Variants in SGIP1 observed in about 807,000 individuals in gnomAD.
SGIP1 encodes the protein SH3-containing GRB2-like protein 3-interacting protein 1.
SGIP1 carries 38 observed loss-of-function variants against 107.5 expected under a neutral mutation model. The ratio of observed to expected loss-of-function variants is 0.35; its 90% CI spans 0.27 to 0.46. The LOEUF is 0.46. Among genes scored for constraint, SGIP1 ranks in the 20% least tolerant of loss-of-function variants. The probability of loss-of-function intolerance (pLI) is 1.00; values close to 1 mark genes in which losing one functional copy is unlikely to be tolerated. For missense variants in SGIP1, 929 were observed against 1,019.5 expected, an observed-to-expected ratio of 0.91 and a Z score of 1.21; for synonymous variants, 365 against 366.1, an observed-to-expected ratio of 1.00 and a Z score of 0.03.
chr1:66,565,288 CT>C (rs1384639815), intron 1 of SGIP1, among the ~76,000 whole-genome samples: 18 of 151,978 alleles, frequency 1.2e-4, no homozygotes, highest in Admixed American at 4.6e-4. Flanking sequence ...TAATTTATCC[CT>C]TTTCTTTCAT....
At chr1:66,533,477 C>T (rs1442690146), upstream of SGIP1, 1 of 152,228 alleles carries the variant, frequency 6.6e-6, no homozygotes, top group Non-Finnish European at 1.5e-5. Flanking sequence ...CAATTAATTC[C>T]CTGGCTCTCA....
chr1:66,589,225 T>TGTGTGTGTGTGTG (rs2063214378), intron 1 of SGIP1, among the ~76,000 whole-genome samples: 1 of 110,060 alleles, frequency 9.1e-6, no homozygotes, highest in African/African-American at 3.3e-5. Context: ...TATGTAAGGC[T>TGTGTGTGTGTGTG]TGGGGTAAAG....
At chr1:66,659,440 T>C (rs978398748) in intron 7 of SGIP1, among the ~76,000 whole-genome samples, 2 of 152,192 alleles carry the variant, frequency 1.3e-5, no homozygotes, top group Non-Finnish European at 2.9e-5. Context: ...ACTTGGGAGA[T>C]GATAGGTTCT....
chr1:66,589,703 T>C (rs1314362013), intron 1 of SGIP1, among the ~76,000 whole-genome samples: 1 of 152,186 alleles, frequency 6.6e-6, no homozygotes. Flanking sequence ...AGCATATTCC[T>C]AAGATATTTT....
chr1:66,534,049 C>A (rs193237755), upstream of SGIP1: 357 of 473,452 alleles, frequency 7.5e-4, no homozygotes, highest in African/African-American at 6.2e-3. Flanking sequence ...TCAGGAGATG[C>A]AGGCTGGCTA....
intron 5 of SGIP1, among the ~76,000 whole-genome samples, chr1:66,640,853 G>A (rs563844137): frequency 2.7e-5 from 4 of 150,270 alleles, no homozygotes; most frequent in Admixed American, 2.7e-4. Context: ...TCAAAAAAAT[G>A]GTGAGTTTCA....
Position 66,690,322 on chromosome 1 carries a change from A to G in SGIP1, c.1570+6A>G, listed in dbSNP as rs774231659. 1 of 1,613,906 alleles carries G rather than the reference A, an allele frequency of 6.2e-7. No homozygotes were observed. Among genetic ancestry groups the G allele is most frequent in the Non-Finnish European group, 8.5e-7 (1 of 1,179,976 alleles). On this transcript the variant is annotated splice_donor_region_variant and intron_variant, in intron 17 of 24. Transcript: ENST00000371037. ...AGCCACCACTCCCACAGTTGGTAAA[A>G]ATTCTCTCCTCTCTTTTAATCCGTT... is the stretch of plus-strand genomic sequence containing the variant.
intron 9 of SGIP1, among the ~76,000 whole-genome samples, chr1:66,668,477 T>G (rs2083076556): frequency 6.6e-6 from 1 of 152,114 alleles, no homozygotes; most frequent in Non-Finnish European, 1.5e-5. Context: ...GCTGAGCCAC[T>G]GCGCCCAGCT....
chr1:66,578,053 T>G (rs1252971703), intron 1 of SGIP1, among the ~76,000 whole-genome samples: 1 of 152,186 alleles, frequency 6.6e-6, no homozygotes, highest in Non-Finnish European at 1.5e-5. Flanking sequence ...AAAATTTACC[T>G]CTTGCAGAGA....
At chr1:66,570,327 T>C (rs2060215531) in intron 1 of SGIP1, among the ~76,000 whole-genome samples, 1 of 151,880 alleles carries the variant, frequency 6.6e-6, no homozygotes, top group African/African-American at 2.4e-5. Context: ...GAAAACAAAG[T>C]TGATTCCTCC....
Position 66,635,972 on chromosome 1 carries a change from A to G in SGIP1, c.128A>G (p.Asn43Ser), listed in dbSNP as rs769143155. The G allele has an allele frequency of 1.9e-6, 3 of 1,613,956 alleles. No individual in the cohort carries two copies. The South Asian group carries it at 3.3e-5, about 18-fold the overall frequency. ...CCCAGCCCACACGAACCACCCTACA[A>G]TAGCAAAGCAGAGTGTGCGCGTGAA... ...IQPSPHEPPY[N>S]SKAECAREGG... is the part of the protein sequence containing the mutation. The change falls in exon 4 of 25, where the codon AAT (asparagine) becomes AGT (serine). Residue 43 changes from asparagine to serine, a missense_variant. Around this residue, in one of 2 missense-constraint regions of SGIP1, gnomAD observed 588 missense variants for 588.6 expected, o/e 1.00. Coordinates refer to ENST00000371037, the MANE Select transcript of SGIP1 (RefSeq NM_032291.4).
At chr1:66,551,502 C>T (rs1453829351) in intron 1 of SGIP1, among the ~76,000 whole-genome samples, 1 of 152,040 alleles carries the variant, frequency 6.6e-6, no homozygotes, top group Non-Finnish European at 1.5e-5. Flanking sequence ...TTGTAGTTCC[C>T]AACTTTATAT....
At chr1:66,671,066 G>C in intron 10 of SGIP1, 47 bp downstream of exon 10, 1 of 1,019,682 alleles carries the variant, frequency 9.8e-7, no homozygotes, top group Admixed American at 2.2e-5. Context: ...TTAAAAGAAA[G>C]AACAGTTCCT....
chr1:66,685,486 T>A (rs2087983129), intron 15 of SGIP1, among the ~76,000 whole-genome samples: 1 of 152,208 alleles, frequency 6.6e-6, no homozygotes. Context: ...GCAAAGAGTT[T>A]TGTTGGCTTG....
chr1:66,748,647 T>C lies in SGIP1; in HGVS notation c.*5552T>C, dbSNP rs2094584878. Reference sequence around the variant, plus strand: ...CTTGCCTACCTTAAATACATCTTTATCCTTGTAAAAAATGTTTTGGCAAAA... The same window carrying C: ...CTTGCCTACCTTAAATACATCTTTACCCTTGTAAAAAATGTTTTGGCAAAA... On this transcript the variant is annotated 3_prime_UTR_variant, in exon 25 of 25. Transcript: ENST00000371037. 1.3e-5 allele frequency among the ~76,000 whole-genome samples: 2 copies of C among 152,024 alleles called. No homozygotes were observed. The highest frequency in any genetic ancestry group is 2.9e-5 in the Non-Finnish European group (2 of 67,874).
intron 1 of SGIP1, among the ~76,000 whole-genome samples, chr1:66,570,259 A>T (rs984490473): frequency 4.6e-5 from 7 of 151,860 alleles, no homozygotes; most frequent in African/African-American, 9.7e-5. Context: ...TTCTGCCATT[A>T]TCATCCTAGG....
intron 1 of SGIP1, among the ~76,000 whole-genome samples, chr1:66,590,914 C>A (rs12057164): frequency 0.19 from 28,585 of 152,096 alleles, 3,180 homozygotes; most frequent in African/African-American, 0.31. Flanking sequence ...ATGAGAAATA[C>A]ATTTTCTTTC....
At chr1:66,627,272 G>C (rs1390137436) in intron 2 of SGIP1, among the ~76,000 whole-genome samples, 3 of 152,128 alleles carry the variant, frequency 2.0e-5, no homozygotes, top group African/African-American at 4.8e-5. Flanking sequence ...GAGGAGACTT[G>C]AGTTTGGCCT....
At chr1:66,545,678 A>G (rs2056226792) in intron 1 of SGIP1, among the ~76,000 whole-genome samples, 1 of 133,210 alleles carries the variant, frequency 7.5e-6, no homozygotes, top group Admixed American at 7.9e-5. Context: ...GTATACATAC[A>G]GAGAGAAAGA....
Sources: gnomAD v4.1 joint callset for allele counts (sites outside exome capture counted in the v4.1 genomes callset) on GRCh38, gnomAD v4.1.1 for gene constraint, gnomAD v4.1.1 regional missense constraint, MANE v1.5 for transcripts, NCBI Gene and HGNC (gene_info 2026-07-23, HGNC 2026-07-21) for gene names.